The following SLC45A4 variants were observed in gnomAD, a reference collection of about 807,000 sequenced individuals.
SLC45A4 encodes polyamine-transporter SLC45A4.
In SLC45A4, 32 loss-of-function variants were observed where a neutral mutation model predicts 63.7. The observed-to-expected ratio is 0.50, with a 90% CI of 0.38 to 0.67. SLC45A4 has a LOEUF of 0.67. Among genes scored for constraint, SLC45A4 ranks in the 30% least tolerant of loss-of-function variants. SLC45A4 has a pLI of 0.00. For missense variants in SLC45A4, 1,027 were observed against 1,157.7 expected (o/e 0.89, Z 1.64); for synonymous variants, 535 against 510.0 (o/e 1.05, Z -0.66).
chr8:141,254,461 G>T lies in SLC45A4; in HGVS notation c.-232C>A, dbSNP rs1589818785. 1 of 659,572 alleles carries T rather than the reference G, an allele frequency of 1.5e-6. No homozygotes were observed. The allele number at this position is 659,572 out of a possible 1,614,324, so 40.9% of individuals were successfully genotyped here. A position where few individuals can be genotyped will look rare whatever the true frequency, so the allele number is the denominator to read the frequency against. ...TGGTTGGATTTTAAACATATGGCTT[G>T]CTGGTTTACTGTGAATTAGAGTTAA... On this transcript the variant is annotated 5_prime_UTR_variant, in exon 2 of 9. Transcript: ENST00000517878. The surrounding 1 kb of genome is among the most constrained non-coding windows in gnomAD (Gnocchi z 4.5).
chr8:141,272,835 T>C (rs1829593697), intron 1 of SLC45A4, among the ~76,000 whole-genome samples: 1 of 152,198 alleles, frequency 6.6e-6, no homozygotes, highest in Non-Finnish European at 1.5e-5. Flanking sequence ...CGCAACAGTG[T>C]ATTTCAACAG....
rs149928119 is a variant in SLC45A4 at position 141,266,816 on chromosome 8, G to A, written c.-400-12187C>T. On this transcript the variant is annotated intron_variant, in intron 1 of 8. Coordinates refer to ENST00000517878, the MANE Select transcript of SLC45A4 (RefSeq NM_001286646.2). ...GGCAAGCAGTGTGTGCTGGAAGGGC[G>A]GAAATTTCCAAAACAGATCTAACAA... Among the ~76,000 whole-genome samples the A allele has an allele frequency of 1.0e-2, 1,521 of 152,298 alleles. 118 individuals are homozygous for A. Among genetic ancestry groups the A allele is most frequent in the Admixed American group, 0.091 (1,387 of 15,288 alleles).
chr8:141,275,683 T>G (rs1173458801), intron 1 of SLC45A4, among the ~76,000 whole-genome samples: 1 of 151,144 alleles, frequency 6.6e-6, no homozygotes, highest in East Asian at 1.9e-4. Context: ...ACCTTAAATA[T>G]CCAAAAAAGA....
chr8:141,265,688 CCT>C (rs1563658952), intron 1 of SLC45A4, among the ~76,000 whole-genome samples: 4 of 152,208 alleles, frequency 2.6e-5, no homozygotes, highest in South Asian at 4.1e-4. Flanking sequence ...ATCCTGTACC[CCT>C]GAGAGCTGCT....
rs1826289198 is a variant in SLC45A4 at position 141,218,105 on chromosome 8, C to A, written c.1535G>T (p.Cys512Phe). The A allele has an allele frequency of 6.2e-7, 1 of 1,612,576 alleles. No homozygotes were observed. The highest frequency in any genetic ancestry group is 1.3e-5 in the African/African-American group (1 of 75,050). ...LKMPRELMRL[C>F]LCHLLTWFSV... ...GAACCAGGTGAGGAGGTGGCAGAGG[C>A]ACAGCCGCATCAGCTCCCTGGGCAT... is the stretch of plus-strand genomic sequence containing the variant. The change falls in exon 5 of 9, where the codon TGC becomes TTC. Residue 512 changes from cysteine (C) to phenylalanine (F), a missense_variant. By Grantham distance (205) the Cys-to-Phe change is radical (BLOSUM62 -2). Transcript: ENST00000517878.
Position 141,218,325 on chromosome 8 carries a change from G to A in SLC45A4, c.1315C>T (p.Arg439Cys), listed in dbSNP as rs765333978. The change falls in exon 5 of 9, where the codon CGC becomes TGC. Residue 439 changes from arginine (R) to cysteine (C), a missense_variant. Coordinates refer to ENST00000517878, the MANE Select transcript of SLC45A4 (RefSeq NM_001286646.2). ...YYGKLGSHCY[R>C]YRRANAVVLI... ...ACCACGGCGTTGGCGCGCCGGTAGC[G>A]GTAGCAGTGGGACCCAAGCTTGCCG... 34 of 1,607,544 alleles carry A rather than the reference G, an allele frequency of 2.1e-5. No homozygotes were observed. In the Admixed American group the frequency reaches 4.2e-4, roughly 20 times the overall value.
At chr8:141,238,222 C>T (rs747047487) in intron 2 of SLC45A4, among the ~76,000 whole-genome samples, 2 of 152,234 alleles carry the variant, frequency 1.3e-5, no homozygotes, top group African/African-American at 2.4e-5. Flanking sequence ...CCTGGACCTG[C>T]GTCACCATCA....
intron 1 of SLC45A4, among the ~76,000 whole-genome samples, chr8:141,255,657 A>C (rs1828739378): frequency 6.6e-6 from 1 of 152,240 alleles, no homozygotes; most frequent in African/African-American, 2.4e-5. Context: ...TGGAAGTTGC[A>C]GTAAGCTGAG....
In SLC45A4 at chr8:141,304,076, G is replaced by A. The variant is rs1167649255; in HGVS notation, c.-401+4020C>T. 3.3e-5 allele frequency among the ~76,000 whole-genome samples: 5 copies of A among 152,102 alleles called. 1 individual carries two copies. The South Asian group carries it at 1.0e-3, about 31-fold the overall frequency. The stretch of plus-strand genomic sequence containing the variant: ...TCTGGAGCCCTCACTAGACAGGAAG[G>A]TGGGCCTTGGGATGACCCTCAAAAT... On this transcript the variant is annotated intron_variant, in intron 1 of 8. Transcript: ENST00000517878.
At chr8:141,275,047 G>A (rs926171701) in intron 1 of SLC45A4, among the ~76,000 whole-genome samples, 4 of 152,222 alleles carry the variant, frequency 2.6e-5, no homozygotes, top group Non-Finnish European at 5.9e-5. Flanking sequence ...GGGGCGTGGC[G>A]CCGGCAGGAG....
chr8:141,244,042 C>T (rs959971117), intron 2 of SLC45A4, among the ~76,000 whole-genome samples: 1 of 152,134 alleles, frequency 6.6e-6, no homozygotes, highest in African/African-American at 2.4e-5. Flanking sequence ...GTTGGCACCC[C>T]TAACCTGAGC....
At chr8:141,234,558 G>A (rs1326441999) in intron 2 of SLC45A4, among the ~76,000 whole-genome samples, 1 of 152,170 alleles carries the variant, frequency 6.6e-6, no homozygotes, top group Non-Finnish European at 1.5e-5. Context: ...ACAGGACTCC[G>A]TGTGCACCAG....
At chr8:141,305,479 A>C (rs1375206930) in intron 1 of SLC45A4, among the ~76,000 whole-genome samples, 2 of 152,226 alleles carry the variant, frequency 1.3e-5, no homozygotes, top group Non-Finnish European at 2.9e-5. Flanking sequence ...GGAACCTAGG[A>C]GGCCAGCGAG....
At chr8:141,220,527 C>T (rs1313704707) in intron 3 of SLC45A4, among the ~76,000 whole-genome samples, 1 of 152,218 alleles carries the variant, frequency 6.6e-6, no homozygotes, top group African/African-American at 2.4e-5. Flanking sequence ...ATGTTGATGG[C>T]TGAGGCTCAC....
At chr8:141,290,188 G>GTA (rs1021302945) in intron 1 of SLC45A4, among the ~76,000 whole-genome samples, 2 of 152,060 alleles carry the variant, frequency 1.3e-5, no homozygotes, top group African/African-American at 4.8e-5. Context: ...ACACTGCACT[G>GTA]TATATAAAGG....
intron 2 of SLC45A4, among the ~76,000 whole-genome samples, chr8:141,242,683 A>G (rs1827971583): frequency 6.6e-6 from 1 of 152,176 alleles, no homozygotes; most frequent in Non-Finnish European, 1.5e-5. Flanking sequence ...AAACTCCTCC[A>G]TTAGGCAGCT....
At position 141,221,569 on chromosome 8, in the gene SLC45A4, A is replaced by G; in HGVS notation, c.430+8T>C. 1 of 1,610,596 alleles carries G rather than the reference A, an allele frequency of 6.2e-7. No homozygotes were observed. Among genetic ancestry groups the G allele is most frequent in the Non-Finnish European group, 8.5e-7 (1 of 1,178,718 alleles). ...TGTGAGGACACCAGGTGTGGCCGAG[A>G]AACTTACCGATGGCAGAGCCGTTAA... is the stretch of plus-strand genomic sequence containing the variant. On this transcript the variant is annotated splice_region_variant and intron_variant, in intron 3 of 8. Transcript: ENST00000517878.
intron 1 of SLC45A4, among the ~76,000 whole-genome samples, chr8:141,255,318 T>C (rs944731285): frequency 6.6e-6 from 1 of 152,154 alleles, no homozygotes; most frequent in Admixed American, 6.5e-5. Flanking sequence ...GCTCAAGCGA[T>C]CTACCCTGCC....
At chr8:141,275,426 A>C (rs1829692482) in intron 1 of SLC45A4, among the ~76,000 whole-genome samples, 1 of 152,172 alleles carries the variant, frequency 6.6e-6, no homozygotes, top group Non-Finnish European at 1.5e-5. Context: ...TTTAGAACTT[A>C]TCATAAGAAA....
Sources: allele counts gnomAD v4.1 joint callset (sites outside exome capture counted in the v4.1 genomes callset), GRCh38; gene constraint gnomAD v4.1.1; non-coding constraint Gnocchi (gnomAD v3.1); transcripts MANE v1.5; gene names NCBI Gene and HGNC (gene_info 2026-07-23, HGNC 2026-07-21).